Variants in PPP3R1 observed in about 807,000 individuals in gnomAD.
PPP3R1 encodes the protein calcineurin subunit B type 1.
Under a neutral mutation model 22.6 loss-of-function variants are expected in PPP3R1, and 5 were observed. The observed-to-expected ratio is 0.22, with a 90% CI of 0.12 to 0.46. PPP3R1 has a LOEUF of 0.46. Ranked by LOEUF, PPP3R1 falls within the 20% of genes least tolerant of loss-of-function variation. The probability of loss-of-function intolerance (pLI) is 0.99; values close to 1 mark genes in which losing one functional copy is unlikely to be tolerated. For synonymous variants in PPP3R1, 56 were observed against 65.2 expected (o/e 0.86, Z 0.68); for missense variants, 61 against 203.2 (o/e 0.30, Z 4.25).
chr2:68,200,697 G>A (rs1674956436), intron 2 of PPP3R1, among the ~76,000 whole-genome samples: 2 of 152,170 alleles, frequency 1.3e-5, no homozygotes. Context: ...GAGTCAGCAA[G>A]GAGCCTTAGG....
At chr2:68,195,250 A>C (rs1480554577) in intron 2 of PPP3R1, among the ~76,000 whole-genome samples, 1 of 152,124 alleles carries the variant, frequency 6.6e-6, no homozygotes, top group Admixed American at 6.5e-5. Context: ...ATGACCTTGA[A>C]ACTTATGATC....
At chr2:68,227,808 GT>G (rs1669816152) in intron 1 of PPP3R1, among the ~76,000 whole-genome samples, 1 of 151,898 alleles carries the variant, frequency 6.6e-6, no homozygotes, top group African/African-American at 2.4e-5. Flanking sequence ...AACAATTTTT[GT>G]GTTTATCTTG....
At chr2:68,183,841 G>A (rs1402565115) in intron 5 of PPP3R1, among the ~76,000 whole-genome samples, 4 of 152,136 alleles carry the variant, frequency 2.6e-5, no homozygotes, top group Admixed American at 6.5e-5. Flanking sequence ...AAAGGGCACT[G>A]GAACTCTGGG....
chr2:68,224,328 AAAC>A (rs1198017631), intron 1 of PPP3R1, among the ~76,000 whole-genome samples: 1 of 152,196 alleles, frequency 6.6e-6, no homozygotes, highest in South Asian at 2.1e-4. Flanking sequence ...TCTGAATGAA[AAAC>A]AACAATGGTG....
Position 68,198,185 on chromosome 2 carries a change from AAT to A in PPP3R1, c.44-9497_44-9496del, listed in dbSNP as rs200143942. On this transcript the variant is annotated intron_variant, in intron 2 of 5. Coordinates refer to ENST00000234310, the MANE Select transcript of PPP3R1 (RefSeq NM_000945.4). ...TAAATATATACATACATGTATATAT[AAT>A]ATATATTTACATATATGTGCATACA... Among the ~76,000 whole-genome samples, 42 of 146,182 alleles carry A rather than the reference AAT, an allele frequency of 2.9e-4. 1 individual carries two copies. The highest frequency in any genetic ancestry group is 7.9e-4 in the East Asian group (4 of 5,094).
chr2:68,210,669 A>G, intron 2 of PPP3R1, among the ~76,000 whole-genome samples: 1 of 152,182 alleles, frequency 6.6e-6, no homozygotes, highest in East Asian at 1.9e-4. Flanking sequence ...GTTGTTTTTC[A>G]ATGTTAGAAA....
At chr2:68,205,241 T>TC (rs1244765653) in intron 2 of PPP3R1, among the ~76,000 whole-genome samples, 7 of 118,854 alleles carry the variant, frequency 5.9e-5, no homozygotes, top group African/African-American at 2.2e-4. Flanking sequence ...ATCAGTATTA[T>TC]CTTTTTTTTT....
intron 2 of PPP3R1, among the ~76,000 whole-genome samples, chr2:68,214,756 G>C (rs1458741462): frequency 6.6e-6 from 1 of 152,126 alleles, no homozygotes; most frequent in Non-Finnish European, 1.5e-5. Context: ...ATTACCATTT[G>C]ACCCAGCAAT....
intron 2 of PPP3R1, among the ~76,000 whole-genome samples, chr2:68,200,571 C>T (rs553679134): frequency 6.6e-6 from 1 of 152,166 alleles, no homozygotes; most frequent in South Asian, 2.1e-4. Flanking sequence ...GGAAACAAAC[C>T]CAAGGAGTGA....
rs751826079 is a variant in PPP3R1 at position 68,179,977 on chromosome 2, G to A, written c.*986C>T. ...TTCATGATTCAAACACAAGTTTAAT[G>A]ACAAATTATTTACCCATGTAATCAA... is the stretch of plus-strand genomic sequence containing the variant. On this transcript the variant is annotated 3_prime_UTR_variant, in exon 6 of 6. Transcript: ENST00000234310. The A allele has an allele frequency of 2.6e-5, 4 of 152,170 alleles. No individual in the cohort carries two copies. The highest frequency in any genetic ancestry group is 9.7e-5 in the African/African-American group (4 of 41,448). The allele number at this position is 152,170 out of a possible 1,614,324, so 9.4% of individuals were successfully genotyped here. A position where few individuals can be genotyped will look rare whatever the true frequency, so the allele number is the denominator to read the frequency against.
At chr2:68,237,737 T>C (rs1469690899) in intron 1 of PPP3R1, among the ~76,000 whole-genome samples, 2 of 152,108 alleles carry the variant, frequency 1.3e-5, no homozygotes, top group East Asian at 3.8e-4. Context: ...TTCATCTTTA[T>C]ACCTGAAACT....
At chr2:68,208,575 T>C (rs1206659748) in intron 2 of PPP3R1, among the ~76,000 whole-genome samples, 1 of 152,236 alleles carries the variant, frequency 6.6e-6, no homozygotes. Flanking sequence ...ATTCTAGATG[T>C]AACATTTTAT....
intron 2 of PPP3R1, among the ~76,000 whole-genome samples, chr2:68,199,186 T>C (rs571777055): frequency 1.2e-4 from 19 of 152,224 alleles, no homozygotes; most frequent in Non-Finnish European, 2.6e-4. Flanking sequence ...ATGGTCTTGA[T>C]CTCCTGACCT....
At chr2:68,231,329 C>G (rs1669893724) in intron 1 of PPP3R1, among the ~76,000 whole-genome samples, 1 of 142,418 alleles carries the variant, frequency 7.0e-6, no homozygotes, top group Non-Finnish European at 1.5e-5. Context: ...TTTGGTCTTT[C>G]TTTATGTCTT....
intron 1 of PPP3R1, among the ~76,000 whole-genome samples, chr2:68,240,612 C>T (rs1188493788): frequency 6.6e-6 from 1 of 152,096 alleles, no homozygotes; most frequent in Non-Finnish European, 1.5e-5. Context: ...TGTATGGCTC[C>T]CCCTTAGTTA....
At chr2:68,227,683 T>C (rs1473224121) in intron 1 of PPP3R1, among the ~76,000 whole-genome samples, 1 of 152,136 alleles carries the variant, frequency 6.6e-6, no homozygotes, top group Non-Finnish European at 1.5e-5. Context: ...GCACATAATA[T>C]GTTTAACTAT....
intron 1 of PPP3R1, among the ~76,000 whole-genome samples, chr2:68,247,061 T>C (rs1199945646): frequency 3.4e-5 from 5 of 148,226 alleles, no homozygotes; most frequent in Non-Finnish European, 6.0e-5. Flanking sequence ...GCTCAAGCCA[T>C]CCTCCCACCT....
In PPP3R1 at chr2:68,252,503, G is replaced by T. The variant is rs537026645; in HGVS notation, c.-376C>A. On this transcript the variant is annotated 5_prime_UTR_variant, in exon 1 of 6. Coordinates refer to ENST00000234310, the MANE Select transcript of PPP3R1 (RefSeq NM_000945.4). ...GGAGCCGTGACGGACTCACTGCAGCGGCTCGCGCTGACCCGCAACCTCAAG... is the reference window on the plus strand; with the variant it reads ...GGAGCCGTGACGGACTCACTGCAGCTGCTCGCGCTGACCCGCAACCTCAAG... The T allele has an allele frequency of 1.0e-6, 1 of 978,338 alleles. No homozygotes were observed. The highest frequency in any genetic ancestry group is 4.8e-5 in the South Asian group (1 of 20,928). 60.6% of individuals were successfully genotyped at this position (978,338 alleles called of 1,614,324 possible).
intron 2 of PPP3R1, among the ~76,000 whole-genome samples, chr2:68,192,428 G>A (rs1296458485): frequency 6.6e-6 from 1 of 152,086 alleles, no homozygotes; most frequent in Non-Finnish European, 1.5e-5. Flanking sequence ...ATGGGAAGAG[G>A]AAAAGCAGAA....
Sources: allele counts gnomAD v4.1 joint callset (sites outside exome capture counted in the v4.1 genomes callset), GRCh38; gene constraint gnomAD v4.1.1; transcripts MANE v1.5; gene names NCBI Gene and HGNC (gene_info 2026-07-23, HGNC 2026-07-21).